The following COL1A2 variants were observed in gnomAD, a reference collection of about 807,000 sequenced individuals.
The protein encoded by COL1A2 is collagen alpha-2(I) chain.
COL1A2 carries 49 observed loss-of-function variants against 174.3 expected under a neutral mutation model. That is an observed-to-expected ratio of 0.28 (90% CI 0.22 to 0.36). COL1A2 has a LOEUF of 0.36. Ranked by LOEUF, COL1A2 falls within the 10% of genes least tolerant of loss-of-function variation. The probability of loss-of-function intolerance (pLI) is 1.00; values close to 1 mark genes in which losing one functional copy is unlikely to be tolerated. For missense variants in COL1A2, 1,438 were observed against 1,822.7 expected, an observed-to-expected ratio of 0.79 and a Z score of 3.84; for synonymous variants, 655 against 606.6, an observed-to-expected ratio of 1.08 and a Z score of -1.17.
chr7:94,430,531 A>G lies in COL1A2; in HGVS notation c.*138A>G. The G allele has an allele frequency of 1.1e-6, 1 of 891,282 alleles. No individual in the cohort carries two copies. The allele number at this position is 891,282 out of a possible 1,614,324, so 55.2% of individuals were successfully genotyped here. ...TACTTGCTTAAATTGTGGGCAAAAG[A>G]GAAAAAGAAGGATTGATCAGAGCAT... On this transcript the variant is annotated 3_prime_UTR_variant, in exon 52 of 52. Coordinates refer to ENST00000297268, the MANE Select transcript of COL1A2 (RefSeq NM_000089.4).
chr7:94,416,690 C>A, intron 31 of COL1A2, 187 bp downstream of exon 31: 1 of 592,688 alleles, frequency 1.7e-6, no homozygotes, highest in Non-Finnish European at 3.0e-6. Flanking sequence ...CAAACAATAG[C>A]AACAAACTGT....
Position 94,415,207 on chromosome 7 carries a change from A to T in COL1A2, c.1720-19A>T. The stretch of plus-strand genomic sequence containing the variant: ...AGATCACACACAGATTTCATGCTTT[A>T]TTCTCATGTTTTGTCTAGGGTCTCC... On this transcript the variant is annotated intron_variant, in intron 29 of 51. Coordinates refer to ENST00000297268, the MANE Select transcript of COL1A2 (RefSeq NM_000089.4). 6.2e-7 allele frequency: 1 copy of T among 1,611,286 alleles called. No homozygotes were observed. The highest frequency in any genetic ancestry group is 8.5e-7 in the Non-Finnish European group (1 of 1,177,386).
intron 5 of COL1A2, among the ~76,000 whole-genome samples, chr7:94,401,213 T>C (rs1791681075): frequency 1.3e-5 from 2 of 152,154 alleles, no homozygotes; most frequent in South Asian, 4.1e-4. Flanking sequence ...CTCTGTCTAA[T>C]TTGTCAGGAG....
intron 41 of COL1A2, 59 bp from the exon 42 acceptor site, chr7:94,425,058 G>A: frequency 2.7e-6 from 4 of 1,482,508 alleles, no homozygotes; most frequent in Non-Finnish European, 3.8e-6. Flanking sequence ...GTTTTGGAGG[G>A]GAAGGTTAGC....
intron 31 of COL1A2, 40 bp from the exon 32 acceptor site, chr7:94,417,684 T>G: frequency 6.7e-7 from 1 of 1,495,878 alleles, no homozygotes. Context: ...CATTTTCTTC[T>G]TTCTCCACTA....
At position 94,420,453 on chromosome 7, in the gene COL1A2, C is replaced by T; in HGVS notation, c.2187+9C>T. On this transcript the variant is annotated intron_variant, in intron 36 of 51. Coordinates refer to ENST00000297268, the MANE Select transcript of COL1A2 (RefSeq NM_000089.4). ...GATTTGCTGGTCCTGCTGTGAGTAT[C>T]ACATAATGAAGATTAATCTGAAAAC... The T allele has an allele frequency of 6.2e-7, 1 of 1,614,114 alleles. No individual in the cohort carries two copies. Among genetic ancestry groups the T allele is most frequent in the Non-Finnish European group, 8.5e-7 (1 of 1,180,006 alleles).
At chr7:94,402,480 T>C (rs959382168) in intron 6 of COL1A2, among the ~76,000 whole-genome samples, 14 of 152,160 alleles carry the variant, frequency 9.2e-5, no homozygotes, top group African/African-American at 3.4e-4. Context: ...CCATACCCTA[T>C]CAGTGGAGCA....
chr7:94,429,086 T>A lies in COL1A2; in HGVS notation c.3712-102T>A, dbSNP rs112581813. Reference sequence around the variant, plus strand: ...TTCCTAAGCTTGGATCTGAGTCTACTCTTCCTGAGATCTTTTTTTTTCTTT... The same window carrying A: ...TTCCTAAGCTTGGATCTGAGTCTACACTTCCTGAGATCTTTTTTTTTCTTT... On this transcript the variant is annotated intron_variant, in intron 50 of 51. Coordinates refer to ENST00000297268, the MANE Select transcript of COL1A2 (RefSeq NM_000089.4). 3.4e-4 allele frequency: 327 copies of A among 966,134 alleles called. 1 individual carries two copies. The highest frequency in any genetic ancestry group is 2.6e-4 in the Non-Finnish European group (166 of 650,662). 59.8% of individuals were successfully genotyped at this position (966,134 alleles called of 1,614,324 possible). A position where few individuals can be genotyped will look rare whatever the true frequency, so the allele number is the denominator to read the frequency against.
At chr7:94,410,364 C>T (rs1584319804) in intron 20 of COL1A2, 56 bp from the exon 21 acceptor site, 1 of 1,587,818 alleles carries the variant, frequency 6.3e-7, no homozygotes, top group East Asian at 2.3e-5. Context: ...TCCAGCTGGA[C>T]ATAGTATTAA....
chr7:94,430,580 C>T lies in COL1A2; in HGVS notation c.*187C>T, dbSNP rs1584333697. On this transcript the variant is annotated 3_prime_UTR_variant, in exon 52 of 52. Coordinates refer to ENST00000297268, the MANE Select transcript of COL1A2 (RefSeq NM_000089.4). Reference sequence around the variant, plus strand: ...ATTGTGCAATACAGTTTCATTAACTCCTTCCCCCGCTCCCCCAAAAATTTG... The same window carrying T: ...ATTGTGCAATACAGTTTCATTAACTTCTTCCCCCGCTCCCCCAAAAATTTG... The T allele has an allele frequency of 6.2e-6, 4 of 641,520 alleles. No homozygotes were observed. Among genetic ancestry groups the T allele is most frequent in the Non-Finnish European group, 7.8e-6 (3 of 383,110 alleles). 39.7% of individuals were successfully genotyped at this position (641,520 alleles called of 1,614,324 possible).
intron 39 of COL1A2, 87 bp from the exon 40 acceptor site, chr7:94,422,870 G>A (rs1008010443): frequency 8.2e-6 from 12 of 1,466,706 alleles, no homozygotes; most frequent in Non-Finnish European, 1.1e-5. Context: ...CACATTGTTT[G>A]CATCTTAAGA....
chr7:94,401,970 T>C (rs115151937), intron 6 of COL1A2, among the ~76,000 whole-genome samples: 1 of 152,276 alleles, frequency 6.6e-6, no homozygotes, highest in African/African-American at 2.4e-5. Context: ...ATTAATTTTT[T>C]AATATTCTTT....
Position 94,425,154 on chromosome 7 carries a change from G to C in COL1A2, c.2711G>C (p.Gly904Ala), listed in dbSNP as rs775246283. 2.8e-5 allele frequency: 45 copies of C among 1,614,002 alleles called. No homozygotes were observed. Among genetic ancestry groups the C allele is most frequent in the Non-Finnish European group, 3.6e-5 (43 of 1,180,034 alleles). Residue 904 changes from glycine (G) to alanine (A), a missense_variant, in exon 42 of 52, where the codon GGG (glycine) becomes GCG (alanine). Physicochemically the swap from Gly to Ala is moderately conservative, Grantham distance 60. Coordinates refer to ENST00000297268, the MANE Select transcript of COL1A2 (RefSeq NM_000089.4). ...CCTCTTGGCATTGCCGGCCCTCCTG[G>C]GGCCCGTGGTCCTCCTGGTGCTGTG... ...PGPLGIAGPP[G>A]ARGPPGAVGS...
chr7:94,404,362 G>A (rs929071850), intron 6 of COL1A2, among the ~76,000 whole-genome samples, 194 bp from the exon 7 acceptor site: 7 of 152,190 alleles, frequency 4.6e-5, no homozygotes, highest in Admixed American at 2.0e-4. Context: ...TGTTGATAAG[G>A]ATTGGGAGAA....
intron 5 of COL1A2, among the ~76,000 whole-genome samples, chr7:94,401,163 G>A (rs1791680170): frequency 6.6e-6 from 1 of 151,464 alleles, no homozygotes; most frequent in Non-Finnish European, 1.5e-5. Context: ...GCTCCGGTGG[G>A]GAAGGGCAAC....
At chr7:94,419,629 T>A in intron 34 of COL1A2, 78 bp downstream of exon 34, 1 of 1,489,840 alleles carries the variant, frequency 6.7e-7, no homozygotes, top group South Asian at 1.1e-5. Context: ...GCCCCAGCAA[T>A]TCATTTTTAT....
chr7:94,408,222 G>A lies in COL1A2; in HGVS notation c.679G>A (p.Ala227Thr), dbSNP rs375401215. 2.8e-4 allele frequency: 458 copies of A among 1,614,114 alleles called. 3 individuals carry two copies. In the South Asian group the frequency reaches 4.8e-3, roughly 17 times the overall value. ...TCCTGGTGAGAGAGGACGTGTTGGTGCCCCTGGCCCAGCTGTAAGTGCTTC... is the reference window on the plus strand; with the variant it reads ...TCCTGGTGAGAGAGGACGTGTTGGTACCCCTGGCCCAGCTGTAAGTGCTTC... ...GLPGERGRVG[A>T]PGPAGARGSD... Residue 227 changes from alanine to threonine, a missense_variant, in exon 14 of 52, where the codon GCC becomes ACC. Around this residue, in one of 3 missense-constraint regions of COL1A2, gnomAD observed 281 missense variants for 310.9 expected, o/e 0.90. Transcript: ENST00000297268.
chr7:94,426,439 G>A lies in COL1A2; in HGVS notation c.3014G>A (p.Arg1005His), dbSNP rs200357942. The A allele has an allele frequency of 4.9e-5, 78 of 1,600,870 alleles. No individual in the cohort carries two copies. The highest frequency in any genetic ancestry group is 1.5e-4 in the Admixed American group (9 of 58,208). The change falls in exon 46 of 52, where the codon CGT becomes CAT. Residue 1005 changes from arginine (R) to histidine (H), a missense_variant. Arg to His is a conservative substitution (Grantham distance 29, BLOSUM62 0). Coordinates refer to ENST00000297268, the MANE Select transcript of COL1A2 (RefSeq NM_000089.4). ...PRGPSGPQGIRGDKGEPGEKG... is the reference protein window; with the variant it reads ...PRGPSGPQGIHGDKGEPGEKG... Reference sequence around the variant, plus strand: ...TCTTTATAGGGCCCACAAGGCATTCGTGGCGATAAGGGAGAGCCCGGTGAA... The same window carrying A: ...TCTTTATAGGGCCCACAAGGCATTCATGGCGATAAGGGAGAGCCCGGTGAA...
chr7:94,427,633 C>T lies in COL1A2; in HGVS notation c.3274C>T (p.Pro1092Ser), dbSNP rs931800628. The T allele has an allele frequency of 2.5e-6, 4 of 1,614,092 alleles. No homozygotes were observed. Among genetic ancestry groups the T allele is most frequent in the Admixed American group, 1.7e-5 (1 of 60,016 alleles). The change falls in exon 49 of 52, where the codon CCT becomes TCT. Residue 1092 changes from proline (P) to serine (S), a missense_variant. By Grantham distance (74) the Pro-to-Ser change is moderately conservative. This residue lies in a region of COL1A2 where 867 missense variants were observed against 1,213.7 expected (regional missense o/e 0.71). Transcript: ENST00000297268. Reference protein sequence around the residue: ...PQGHQGPAGPPGPPGPPGPPG... With the variant: ...PQGHQGPAGPSGPPGPPGPPG... ...CTCACTTTCACCTTTGCAGGGCCCC[C>T]CTGGTCCCCCTGGCCCTCCTGGACC... is the stretch of plus-strand genomic sequence containing the variant.
Sources: gnomAD v4.1 joint callset for allele counts (sites outside exome capture counted in the v4.1 genomes callset) on GRCh38, gnomAD v4.1.1 for gene constraint, gnomAD v4.1.1 regional missense constraint, MANE v1.5 for transcripts, NCBI Gene and HGNC (gene_info 2026-07-23, HGNC 2026-07-21) for gene names.